Variants in ROBO1 observed in about 807,000 individuals in gnomAD.
ROBO1 encodes the protein roundabout homolog 1.
In ROBO1, 149 loss-of-function variants were observed where a neutral mutation model predicts 195.9. That is an observed-to-expected ratio of 0.76 (90% confidence interval 0.67 to 0.87). ROBO1 has a LOEUF of 0.87. Among genes scored for constraint, ROBO1 ranks in the 40% least tolerant of loss-of-function variants. ROBO1 has a pLI of 0.00. For synonymous variants in ROBO1, 816 were observed against 733.2 expected, an observed-to-expected ratio of 1.11 and a Z score of -1.82; for missense variants, 1,933 against 2,068.3, an observed-to-expected ratio of 0.93 and a Z score of 1.27.
At chr3:79,545,853 G>T (rs989970531) in intron 2 of ROBO1, among the ~76,000 whole-genome samples, 6 of 152,218 alleles carry the variant, frequency 3.9e-5, no homozygotes, top group Middle Eastern at 3.4e-3. Context: ...GGCCCAGGAG[G>T]GTTTAGAGTT....
intron 23 of ROBO1, chr3:78,634,461 G>A (rs1176756265): frequency 3.2e-6 from 1 of 309,064 alleles, no homozygotes; most frequent in Non-Finnish European, 7.0e-6. Flanking sequence ...TGATAAGCTT[G>A]CCACTGGAAT....
intron 3 of ROBO1, among the ~76,000 whole-genome samples, chr3:78,944,467 C>CA (rs569655351): frequency 8.8e-4 from 134 of 152,308 alleles, no homozygotes; most frequent in African/African-American, 3.1e-3. Context: ...ACCCTGATGT[C>CA]AGATTTCAGC....
At chr3:79,343,211 G>A (rs2034979869) in intron 2 of ROBO1, among the ~76,000 whole-genome samples, 1 of 152,058 alleles carries the variant, frequency 6.6e-6, no homozygotes, top group African/African-American at 2.4e-5. Context: ...CTATTGTCTG[G>A]ATTTATTTAT....
chr3:79,612,846 T>A (rs1431705834), intron 1 of ROBO1, among the ~76,000 whole-genome samples: 1 of 50 alleles, frequency 0.02, no homozygotes, highest in Non-Finnish European at 0.036. Flanking sequence ...AAGTGTCTGA[T>A]CACTTCAATC....
intron 3 of ROBO1, among the ~76,000 whole-genome samples, chr3:79,053,544 C>G (rs1221543335): frequency 6.6e-6 from 1 of 151,874 alleles, no homozygotes; most frequent in East Asian, 1.9e-4. Flanking sequence ...CACTTCAGCC[C>G]CTCACCCTCC....
At chr3:79,344,393 C>T (rs541140960) in intron 2 of ROBO1, among the ~76,000 whole-genome samples, 1 of 152,266 alleles carries the variant, frequency 6.6e-6, no homozygotes, top group African/African-American at 2.4e-5. Flanking sequence ...CCCTTCACCT[C>T]TCTCCACAGC....
chr3:79,257,541 T>TG (rs1283188649), intron 2 of ROBO1, among the ~76,000 whole-genome samples: 2 of 152,182 alleles, frequency 1.3e-5, no homozygotes, highest in Non-Finnish European at 2.9e-5. Flanking sequence ...CAAGTGTGGT[T>TG]GGCCTGGCAT....
At chr3:78,682,701 C>A (rs1269206043) in intron 10 of ROBO1, among the ~76,000 whole-genome samples, 5 of 145,016 alleles carry the variant, frequency 3.4e-5, no homozygotes, top group Admixed American at 1.4e-4. Flanking sequence ...ACAGTAATAT[C>A]AAAAAATATA....
chr3:79,019,925 A>C (rs2078064219), intron 3 of ROBO1, among the ~76,000 whole-genome samples: 1 of 152,182 alleles, frequency 6.6e-6, no homozygotes, highest in Non-Finnish European at 1.5e-5. Flanking sequence ...AACTATCCAG[A>C]ACATATCAGT....
At chr3:79,423,652 T>C (rs558367685) in intron 2 of ROBO1, among the ~76,000 whole-genome samples, 7 of 152,248 alleles carry the variant, frequency 4.6e-5, no homozygotes, top group Admixed American at 3.3e-4. Flanking sequence ...CATGGGCTTA[T>C]GATTTATAAC....
chr3:78,999,582 A>G (rs1473054624), intron 3 of ROBO1, among the ~76,000 whole-genome samples: 2 of 152,168 alleles, frequency 1.3e-5, no homozygotes, highest in Admixed American at 6.5e-5. Flanking sequence ...AGAAGAACTA[A>G]CTTTTGGGTA....
chr3:79,210,730 A>C (rs1418976401), intron 2 of ROBO1, among the ~76,000 whole-genome samples: 3 of 152,152 alleles, frequency 2.0e-5, no homozygotes, highest in Non-Finnish European at 4.4e-5. Context: ...CTAGTATCTG[A>C]AGAACAAAAA....
chr3:79,448,984 C>A (rs1302955973), intron 2 of ROBO1, among the ~76,000 whole-genome samples: 5 of 152,120 alleles, frequency 3.3e-5, no homozygotes, highest in South Asian at 2.1e-4. Context: ...AATCCCAGCA[C>A]TTTGAAAGGC....
chr3:79,274,485 G>A (rs758810103), intron 2 of ROBO1, among the ~76,000 whole-genome samples: 2 of 151,730 alleles, frequency 1.3e-5, no homozygotes, highest in African/African-American at 2.4e-5. Flanking sequence ...CAAAACCTAC[G>A]GGATACAGCA....
intron 4 of ROBO1, among the ~76,000 whole-genome samples, chr3:78,795,665 C>CA (rs1341113706): frequency 3.3e-5 from 5 of 151,816 alleles, no homozygotes; most frequent in Admixed American, 2.6e-4. Flanking sequence ...AATCCTGAAC[C>CA]AAAAAAGAAG....
chr3:79,181,655 G>C (rs2081341866), intron 2 of ROBO1, among the ~76,000 whole-genome samples: 2 of 152,020 alleles, frequency 1.3e-5, no homozygotes, highest in African/African-American at 4.8e-5. Flanking sequence ...CTTAATGTAA[G>C]AAATTTTCAT....
chr3:79,660,736 T>C (rs1946304489), intron 1 of ROBO1, among the ~76,000 whole-genome samples: 1 of 152,034 alleles, frequency 6.6e-6, no homozygotes. Context: ...GGTGATCAAT[T>C]TGAGTGATTC....
At chr3:79,575,492 TATATAAATATATATAACAAA>T in intron 2 of ROBO1, among the ~76,000 whole-genome samples, 1 of 118,944 alleles carries the variant, frequency 8.4e-6, no homozygotes, top group Non-Finnish European at 1.8e-5. Context: ...ATATAACAAA[TATATAAATATATATAACAAA>T]TATATATAAA....
intron 1 of ROBO1, among the ~76,000 whole-genome samples, chr3:79,714,071 T>C (rs1310973239): frequency 6.6e-6 from 1 of 152,110 alleles, no homozygotes; most frequent in African/African-American, 2.4e-5. Context: ...GACTTGGCAA[T>C]GCAGGCTCTT....
Sources: allele counts gnomAD v4.1 joint callset (sites outside exome capture counted in the v4.1 genomes callset), GRCh38; gene constraint gnomAD v4.1.1; transcripts MANE v1.5; gene names NCBI Gene and HGNC (gene_info 2026-07-23, HGNC 2026-07-21).